SLC17A2: variants seen among roughly 807,000 people sequenced by gnomAD.
The protein encoded by SLC17A2 is solute carrier family 17 member 2, also known as sodium-dependent phosphate transport protein 3.
SLC17A2 carries 38 observed loss-of-function variants against 52.1 expected under a neutral mutation model. The ratio of observed to expected loss-of-function variants is 0.73; its 90% CI spans 0.56 to 0.96. SLC17A2 has a LOEUF of 0.96. SLC17A2 is among the 40% of genes least tolerant of loss of function. The pLI is 0.00. For synonymous variants in SLC17A2, 226 were observed against 211.9 expected, an observed-to-expected ratio of 1.07 and a Z score of -0.58; for missense variants, 508 against 583.9, an observed-to-expected ratio of 0.87 and a Z score of 1.34.
intron 8 of SLC17A2, 62 bp downstream of exon 8, chr6:25,916,623 C>T: frequency 7.2e-7 from 1 of 1,382,036 alleles, no homozygotes. Context: ...TAATAGGTAA[C>T]ACAGAACTGT....
intron 5 of SLC17A2, 92 bp downstream of exon 5, chr6:25,920,914 C>T (rs1029344513): frequency 8.3e-7 from 1 of 1,206,896 alleles, no homozygotes; most frequent in Admixed American, 2.0e-5. Flanking sequence ...AGTACTTTTT[C>T]TCTCTCTTCC....
At chr6:25,925,996 A>G (rs1273378598) in intron 1 of SLC17A2, 117 bp from the exon 2 acceptor site, 10 of 628,738 alleles carry the variant, frequency 1.6e-5, no homozygotes, top group African/African-American at 7.3e-5. Context: ...CTTACATTTT[A>G]TGGGGCACTA....
intron 3 of SLC17A2, among the ~76,000 whole-genome samples, chr6:25,922,383 A>G (rs1413317637): frequency 1.3e-5 from 2 of 152,266 alleles, no homozygotes; most frequent in Non-Finnish European, 2.9e-5. Context: ...GTGAACTTGT[A>G]GCATTTGGAA....
chr6:25,913,532 T>G (rs891736843), intron 11 of SLC17A2, 81 bp from the exon 12 acceptor site: 1 of 1,326,796 alleles, frequency 7.5e-7, no homozygotes, highest in Non-Finnish European at 1.1e-6. Context: ...AGTTGTGTAT[T>G]GCAATGTTGA....
At chr6:25,924,527 C>T (rs1011936424) in intron 2 of SLC17A2, among the ~76,000 whole-genome samples, 1 of 150,882 alleles carries the variant, frequency 6.6e-6, no homozygotes, top group African/African-American at 2.4e-5. Context: ...AAAAAAACTA[C>T]GTGGGGTGCA....
At chr6:25,928,972 AAAT>A (rs1371987124) in intron 1 of SLC17A2, among the ~76,000 whole-genome samples, 1 of 152,232 alleles carries the variant, frequency 6.6e-6, no homozygotes, top group Non-Finnish European at 1.5e-5. Context: ...AGAAAAAAAT[AAAT>A]AATGTAAATA....
intron 2 of SLC17A2, among the ~76,000 whole-genome samples, chr6:25,925,240 G>A (rs1253256757): frequency 2.0e-5 from 3 of 152,108 alleles, no homozygotes; most frequent in East Asian, 1.9e-4. Flanking sequence ...CGGGCCAGGC[G>A]TGGTGGCCCA....
chr6:25,912,875 G>A lies in SLC17A2; in HGVS notation c.*442C>T, dbSNP rs985490065. ...GGATTATAGCTTTACAGTTCCGATC[G>A]GTGCTGAGATCTGTAACATATGGCT... On this transcript the variant is annotated 3_prime_UTR_variant, in exon 12 of 12. Coordinates refer to ENST00000377850, the MANE Select transcript of SLC17A2 (RefSeq NM_001286123.3). 5.2e-5 allele frequency: 8 copies of A among 153,784 alleles called. No individual in the cohort carries two copies. Among genetic ancestry groups the A allele is most frequent in the Admixed American group, 2.0e-4 (3 of 15,376 alleles). 9.5% of individuals were successfully genotyped at this position (153,784 alleles called of 1,614,324 possible).
rs1455423138 is a variant in SLC17A2 at position 25,921,337 on chromosome 6, G to C, written c.316C>G (p.Leu106Val). ...SSINYGIILT[L>V]IPSGYLAGIF... ...CCTGCTAAATATCCACTTGGGATCA[G>C]AGTCAGTATTATCCCATAGTTGATG... Residue 106 changes from leucine to valine, a missense_variant, in exon 4 of 12, where the codon CTG becomes GTG. Leu to Val is a conservative substitution (Grantham distance 32). Transcript: ENST00000377850. 2 of 1,614,110 alleles carry C rather than the reference G, an allele frequency of 1.2e-6. No individual in the cohort carries two copies. Among genetic ancestry groups the C allele is most frequent in the Admixed American group, 3.3e-5 (2 of 60,008 alleles).
chr6:25,916,915 C>A, intron 7 of SLC17A2, 54 bp downstream of exon 7: 1 of 1,608,268 alleles, frequency 6.2e-7, no homozygotes, highest in Non-Finnish European at 8.5e-7. Context: ...AGGAGATCCA[C>A]ACCCTGCCCT....
At chr6:25,914,250 C>T (rs1766214512) in intron 11 of SLC17A2, among the ~76,000 whole-genome samples, 1 of 152,028 alleles carries the variant, frequency 6.6e-6, no homozygotes, top group Admixed American at 6.5e-5. Flanking sequence ...TTCTTTTGCC[C>T]CTCTGTCTTC....
At chr6:25,916,056 C>G (rs1278430841) in intron 8 of SLC17A2, among the ~76,000 whole-genome samples, 188 bp from the exon 9 acceptor site, 5 of 152,086 alleles carry the variant, frequency 3.3e-5, no homozygotes, top group Admixed American at 3.3e-4. Context: ...TCACTCTGGG[C>G]TCCAGATAAA....
At chr6:25,925,642 G>C (rs865979552) in intron 2 of SLC17A2, 127 bp downstream of exon 2, 2 of 890,080 alleles carry the variant, frequency 2.2e-6, no homozygotes, top group Admixed American at 3.4e-5. Flanking sequence ...ATCAGGGGCT[G>C]GAGCTGGCTC....
In SLC17A2 at chr6:25,915,778, G is replaced by T; in HGVS notation, c.1021C>A (p.Leu341Ile). ...QLADFLLSRN[L>I]LRLITVRKLF... ...TTTCGCACAGTGATCAATCTGAGAA[G>T]ATTCCTGGACAAAAGGAAATCTGCC... Residue 341 changes from leucine (L) to isoleucine (I), a missense_variant, in exon 9 of 12, where the codon CTT becomes ATT. Coordinates refer to ENST00000377850, the MANE Select transcript of SLC17A2 (RefSeq NM_001286123.3). 6.2e-7 allele frequency: 1 copy of T among 1,614,164 alleles called. No homozygotes were observed. The highest frequency in any genetic ancestry group is 8.5e-7 in the Non-Finnish European group (1 of 1,180,024).
intron 5 of SLC17A2, among the ~76,000 whole-genome samples, chr6:25,918,803 A>G (rs536406583): frequency 1.7e-3 from 266 of 152,364 alleles, no homozygotes; most frequent in Middle Eastern, 3.4e-3. Context: ...CCTCAACACC[A>G]ATGTGACCAA....
chr6:25,914,018 C>G (rs942548211), intron 11 of SLC17A2, among the ~76,000 whole-genome samples: 1 of 152,186 alleles, frequency 6.6e-6, no homozygotes, highest in African/African-American at 2.4e-5. Flanking sequence ...CAAAACTTCT[C>G]TTTGTAAGTT....
chr6:25,915,308 AG>A (rs1766267469), intron 10 of SLC17A2, among the ~76,000 whole-genome samples, 190 bp downstream of exon 10: 1 of 151,554 alleles, frequency 6.6e-6, no homozygotes, highest in Admixed American at 6.6e-5. Context: ...TTACTGGCCA[AG>A]ATTGGAAATT....
At chr6:25,928,387 C>T (rs1342031587) in intron 1 of SLC17A2, among the ~76,000 whole-genome samples, 1 of 151,982 alleles carries the variant, frequency 6.6e-6, no homozygotes, top group Non-Finnish European at 1.5e-5. Flanking sequence ...TTAGGTTGAG[C>T]TTTGAATATT....
Position 25,915,534 on chromosome 6 carries a change from T to G in SLC17A2, c.1176A>C (p.Ser392=), listed in dbSNP as rs779250432. ...LIPGTSNLCD[S]GFIINTLDIA... is the part of the protein sequence containing the mutation. Reference sequence around the variant, plus strand: ...TATCTAAGGTGTTGATGATAAACCCTGAGTCACATAGGTTACTGGTCCCAG... The same window carrying G: ...TATCTAAGGTGTTGATGATAAACCCGGAGTCACATAGGTTACTGGTCCCAG... The change falls in exon 10 of 12, where the codon TCA becomes TCC. Residue 392 remains serine, a synonymous_variant. Coordinates refer to ENST00000377850, the MANE Select transcript of SLC17A2 (RefSeq NM_001286123.3). The G allele has an allele frequency of 1.9e-6, 3 of 1,567,120 alleles. No homozygotes were observed. Among genetic ancestry groups the G allele is most frequent in the South Asian group, 2.3e-5 (2 of 85,670 alleles).
Sources: allele counts gnomAD v4.1 joint callset (sites outside exome capture counted in the v4.1 genomes callset), GRCh38; gene constraint gnomAD v4.1.1; transcripts MANE v1.5; gene names NCBI Gene and HGNC (gene_info 2026-07-23, HGNC 2026-07-21).